NTRK3: variants seen among roughly 807,000 people sequenced by gnomAD.
NTRK3 encodes neurotrophic receptor tyrosine kinase 3.
Under a neutral mutation model 91.7 loss-of-function variants are expected in NTRK3, and 24 were observed. The ratio of observed to expected loss-of-function variants is 0.26; its 90% CI spans 0.19 to 0.37. The LOEUF (loss-of-function observed/expected upper bound fraction) is 0.37. NTRK3 is among the 10% of genes least tolerant of loss of function. NTRK3 has a pLI of 1.00. For missense variants in NTRK3, 880 were observed against 1,068.9 expected (o/e 0.82, Z 2.46); for synonymous variants, 483 against 404.0 (o/e 1.20, Z -2.34).
intron 13 of NTRK3, among the ~76,000 whole-genome samples, chr15:88,084,086 C>CTTTTTTTTT (rs764435924): frequency 1.5e-5 from 2 of 135,846 alleles, no homozygotes; most frequent in Non-Finnish European, 1.6e-5. Flanking sequence ...GTCCAAGTGC[C>CTTTTTTTTT]TTTTTTTTTT....
chr15:87,978,109 A>G (rs2073884163), intron 14 of NTRK3: 1 of 231,286 alleles, frequency 4.3e-6, no homozygotes, highest in Non-Finnish European at 8.6e-6. Flanking sequence ...TCCACCAATG[A>G]GTCAGCAAAT....
intron 3 of NTRK3, among the ~76,000 whole-genome samples, chr15:88,215,218 G>T (rs1042962894): frequency 1.3e-5 from 2 of 152,186 alleles, no homozygotes; most frequent in Admixed American, 6.5e-5. Context: ...AAAACATCCC[G>T]GTTTGTTCAC....
chr15:87,937,220 T>A (rs1352518794), intron 15 of NTRK3, among the ~76,000 whole-genome samples: 1 of 152,046 alleles, frequency 6.6e-6, no homozygotes, highest in African/African-American at 2.4e-5. Context: ...TTACCAAGAG[T>A]CATCAGTGAT....
chr15:88,081,638 G>T (rs2048051069), intron 13 of NTRK3, among the ~76,000 whole-genome samples: 1 of 152,210 alleles, frequency 6.6e-6, no homozygotes, highest in Non-Finnish European at 1.5e-5. Flanking sequence ...TGTGTGGGCA[G>T]TGCCCCCTTC....
intron 14 of NTRK3, among the ~76,000 whole-genome samples, chr15:88,031,282 C>G (rs578186019): frequency 2.0e-5 from 3 of 152,266 alleles, no homozygotes; most frequent in South Asian, 2.1e-4. Flanking sequence ...ACAACTGATA[C>G]AGATAATGAG....
intron 13 of NTRK3, among the ~76,000 whole-genome samples, chr15:88,077,702 T>C (rs182633663): frequency 6.6e-6 from 1 of 152,118 alleles, no homozygotes; most frequent in Non-Finnish European, 1.5e-5. Flanking sequence ...AGGCAGCAAG[T>C]GGGAAGACTG....
chr15:87,863,339 G>T (rs543675085), exon 19 of NTRK3: 1 of 226,720 alleles, frequency 4.4e-6, no homozygotes, highest in East Asian at 6.3e-5. Flanking sequence ...AGGTCAATCA[G>T]GATAGCGGGC....
At chr15:88,056,197 TATATA>T (rs971586491) in intron 13 of NTRK3, among the ~76,000 whole-genome samples, 6 of 95,616 alleles carry the variant, frequency 6.3e-5, no homozygotes, top group African/African-American at 2.0e-4. Context: ...TATATATATA[TATATA>T]TTTTTTTTTT....
chr15:87,971,320 T>C (rs756869994), intron 14 of NTRK3, among the ~76,000 whole-genome samples: 9 of 152,184 alleles, frequency 5.9e-5, no homozygotes, highest in Non-Finnish European at 1.0e-4. Flanking sequence ...CCAGAGAGCA[T>C]CACAGATCCT....
intron 3 of NTRK3, among the ~76,000 whole-genome samples, chr15:88,222,778 C>G (rs1417807588): frequency 6.6e-6 from 1 of 152,182 alleles, no homozygotes; most frequent in Non-Finnish European, 1.5e-5. Flanking sequence ...TGTGGGGTGC[C>G]AGGCACTTGG....
intron 13 of NTRK3, among the ~76,000 whole-genome samples, 196 bp downstream of exon 13, chr15:88,126,075 T>C (rs990050203): frequency 6.6e-6 from 1 of 152,166 alleles, no homozygotes; most frequent in South Asian, 2.1e-4. Flanking sequence ...ACAGTTTGGT[T>C]CCCACAGATC....
chr15:88,200,050 C>CA (rs896049215), intron 3 of NTRK3, among the ~76,000 whole-genome samples: 1 of 152,228 alleles, frequency 6.6e-6, no homozygotes, highest in African/African-American at 2.4e-5. Context: ...GGAAGAGGCA[C>CA]AGCCCATGGC....
chr15:88,213,850 C>T (rs755994114), intron 3 of NTRK3, among the ~76,000 whole-genome samples: 22 of 152,216 alleles, frequency 1.4e-4, no homozygotes, highest in South Asian at 2.1e-4. Flanking sequence ...GAGGATAAGG[C>T]GGGTGGATCA....
chr15:88,056,998 G>A (rs1308435041), intron 13 of NTRK3, among the ~76,000 whole-genome samples: 4 of 151,424 alleles, frequency 2.6e-5, no homozygotes, highest in East Asian at 2.0e-4. Context: ...GTGAAACCCC[G>A]TCTCTACTAA....
At chr15:88,099,631 C>G (rs1010511915) in intron 13 of NTRK3, among the ~76,000 whole-genome samples, 1 of 152,156 alleles carries the variant, frequency 6.6e-6, no homozygotes, top group African/African-American at 2.4e-5. Flanking sequence ...AGCCTGGGTG[C>G]TAGCCGGGTC....
intron 14 of NTRK3, among the ~76,000 whole-genome samples, chr15:87,944,937 C>T (rs750963834): frequency 6.6e-6 from 1 of 152,234 alleles, no homozygotes; most frequent in East Asian, 1.9e-4. Context: ...CTGTTCAGAG[C>T]TGCCTCTGGT....
intron 17 of NTRK3, among the ~76,000 whole-genome samples, chr15:87,898,372 G>T (rs771638187): frequency 3.9e-4 from 60 of 152,152 alleles, no homozygotes; most frequent in Non-Finnish European, 5.9e-5. Flanking sequence ...GCAGTTTAAA[G>T]GAGCTGCCAG....
intron 14 of NTRK3, among the ~76,000 whole-genome samples, chr15:88,000,277 T>G (rs985416984): frequency 6.6e-6 from 1 of 152,204 alleles, no homozygotes; most frequent in Non-Finnish European, 1.5e-5. Context: ...AACACTGTCA[T>G]GCTGGCCCCA....
intron 5 of NTRK3, among the ~76,000 whole-genome samples, chr15:88,181,160 A>G (rs1280331673): frequency 1.3e-5 from 2 of 152,172 alleles, no homozygotes; most frequent in African/African-American, 4.8e-5. Context: ...GTAGCCAATA[A>G]CAAGTACTTT....
Sources: gnomAD v4.1 joint callset for allele counts (sites outside exome capture counted in the v4.1 genomes callset) on GRCh38, gnomAD v4.1.1 for gene constraint, MANE v1.5 for transcripts, NCBI Gene and HGNC (gene_info 2026-07-23, HGNC 2026-07-21) for gene names.